Variants in MOCOS observed in about 807,000 individuals in gnomAD.
MOCOS encodes molybdenum cofactor sulfurase.
MOCOS carries 86 observed loss-of-function variants against 83.6 expected under a neutral mutation model. The ratio of observed to expected loss-of-function variants is 1.03; its 90% CI spans 0.86 to 1.23. The LOEUF (loss-of-function observed/expected upper bound fraction) is 1.23, where lower values mean the gene tolerates loss of function less well. Among genes scored for constraint, MOCOS ranks in the 50% most tolerant of loss-of-function variants. MOCOS has a pLI of 0.00. For missense variants in MOCOS, 1,120 were observed against 1,126.9 expected (o/e 0.99, Z 0.09); for synonymous variants, 445 against 434.7 (o/e 1.02, Z -0.29).
intron 1 of MOCOS, among the ~76,000 whole-genome samples, chr18:36,191,832 C>T (rs567466320): frequency 3.3e-5 from 5 of 152,352 alleles, no homozygotes; most frequent in South Asian, 4.1e-4. Flanking sequence ...CTGCCATTAT[C>T]ATGCTATCTT....
chr18:36,266,921 C>T, intron 14 of MOCOS, 68 bp downstream of exon 14: 1 of 1,277,980 alleles, frequency 7.8e-7, no homozygotes, highest in Non-Finnish European at 1.1e-6. Context: ...GAACTATGTT[C>T]ATAATAGCAC....
At position 36,203,176 on chromosome 18, in the gene MOCOS, A is replaced by G; in HGVS notation, c.1005A>G (p.Leu335=). 1 of 1,614,122 alleles carries G rather than the reference A, an allele frequency of 6.2e-7. No homozygotes were observed. The highest frequency in any genetic ancestry group is 8.5e-7 in the Non-Finnish European group (1 of 1,179,966). The change falls in exon 5 of 15, where the codon CTA becomes CTG. Residue 335 remains leucine, a synonymous_variant. Transcript: ENST00000261326. Reference sequence around the variant, plus strand: ...CGCTAAAACATGGATTTGACACCCTAGAGCGCCTCACAGGTCAGTGGACAT... The same window carrying G: ...CGCTAAAACATGGATTTGACACCCTGGAGCGCCTCACAGGTCAGTGGACAT... The part of the protein sequence containing the change: ...VIALKHGFDT[L]ERLTGGMENI...
chr18:36,224,900 T>C (rs572491811), intron 9 of MOCOS, among the ~76,000 whole-genome samples: 2 of 152,314 alleles, frequency 1.3e-5, no homozygotes, highest in South Asian at 4.1e-4. Context: ...GGCTTTTCTT[T>C]GTTGAGAGGT....
chr18:36,209,797 CAT>C (rs2091447638), intron 6 of MOCOS, among the ~76,000 whole-genome samples: 1 of 152,200 alleles, frequency 6.6e-6, no homozygotes, highest in Non-Finnish European at 1.5e-5. Flanking sequence ...CTGCTATAAA[CAT>C]GTGTGCGTGT....
chr18:36,267,289 GTGT>G (rs2091685162), intron 14 of MOCOS, among the ~76,000 whole-genome samples: 1 of 152,186 alleles, frequency 6.6e-6, no homozygotes, highest in South Asian at 2.1e-4. Flanking sequence ...AAACAACAAA[GTGT>G]TGTTATGAAT....
At chr18:36,233,313 G>T (rs920910429) in intron 9 of MOCOS, among the ~76,000 whole-genome samples, 3 of 152,086 alleles carry the variant, frequency 2.0e-5, no homozygotes, top group Non-Finnish European at 1.5e-5. Context: ...TAAAAATAAT[G>T]GTCTCCAACT....
chr18:36,193,574 T>G (rs12955767), intron 1 of MOCOS, among the ~76,000 whole-genome samples: 6,267 of 152,128 alleles, frequency 0.041, 199 homozygotes, highest in Non-Finnish European at 0.062. Flanking sequence ...TCATTCTGCA[T>G]TCAAAAATTA....
chr18:36,220,782 A>C (rs903025814), intron 9 of MOCOS, among the ~76,000 whole-genome samples: 5 of 151,148 alleles, frequency 3.3e-5, no homozygotes, highest in African/African-American at 1.2e-4. Context: ...GAAGCTGGGC[A>C]TGGTGGCACG....
chr18:36,187,594 C>T lies in MOCOS; in HGVS notation c.55C>T (p.Arg19Trp), dbSNP rs1375862482. Reference protein sequence around the residue: ...GRELWTFAGSRDPSAPRLAYG... With the variant: ...GRELWTFAGSWDPSAPRLAYG... ...GGAGCTGTGGACCTTCGCGGGTTCC[C>T]GGGACCCGAGCGCACCGCGGCTAGC... is the stretch of plus-strand genomic sequence containing the variant. The change falls in exon 1 of 15, where the codon CGG becomes TGG. Residue 19 changes from arginine to tryptophan, a missense_variant. By Grantham distance (101) the Arg-to-Trp change is moderately radical (BLOSUM62 -3). Coordinates refer to ENST00000261326, the MANE Select transcript of MOCOS (RefSeq NM_017947.4). 7 of 1,248,198 alleles carry T rather than the reference C, an allele frequency of 5.6e-6. No homozygotes were observed. The African/African-American group carries it at 7.7e-5, about 14-fold the overall frequency. The allele number at this position is 1,248,198 out of a possible 1,614,324, so 77.3% of individuals were successfully genotyped here.
chr18:36,220,130 T>C lies in MOCOS; in HGVS notation c.1873T>C (p.Cys625Arg). 6.2e-7 allele frequency: 1 copy of C among 1,614,122 alleles called. No individual in the cohort carries two copies. The highest frequency in any genetic ancestry group is 8.5e-7 in the Non-Finnish European group (1 of 1,180,024). The change falls in exon 9 of 15, where the codon TGC (cysteine) becomes CGC (arginine). Residue 625 changes from cysteine (C) to arginine (R), a missense_variant. Coordinates refer to ENST00000261326, the MANE Select transcript of MOCOS (RefSeq NM_017947.4). ...GATGGTTGTGAATCACAATGGTGTT[T>C]GCCTGAGTCAGAAGCAGGAACCCCG... ...SWMVVNHNGV[C>R]LSQKQEPRLC...
At position 36,266,746 on chromosome 18, in the gene MOCOS, C is replaced by T. The variant is rs1469078316; in HGVS notation, c.2410-3C>T. 1 of 1,613,768 alleles carries T rather than the reference C, an allele frequency of 6.2e-7. No homozygotes were observed. The highest frequency in any genetic ancestry group is 2.2e-5 in the East Asian group (1 of 44,868). ...ACGCTGTGTTTTCCTTCTCACCTGC[C>T]AGGTTTTGGGGCCTTGTCACAGATG... On this transcript the variant is annotated splice_polypyrimidine_tract_variant and splice_region_variant and intron_variant, in intron 13 of 14. Coordinates refer to ENST00000261326, the MANE Select transcript of MOCOS (RefSeq NM_017947.4).
intron 4 of MOCOS, among the ~76,000 whole-genome samples, chr18:36,202,253 A>C (rs1470181034): frequency 1.3e-5 from 2 of 152,108 alleles, no homozygotes; most frequent in African/African-American, 4.8e-5. Flanking sequence ...AGAAACAAAA[A>C]ACTTTTATTT....
intron 11 of MOCOS, among the ~76,000 whole-genome samples, chr18:36,252,514 C>T (rs1274294329): frequency 1.3e-5 from 2 of 152,074 alleles, no homozygotes; most frequent in Admixed American, 6.6e-5. Flanking sequence ...GTTGAGATCA[C>T]ACCACTGTAG....
chr18:36,209,805 C>T (rs896555308), intron 6 of MOCOS, among the ~76,000 whole-genome samples: 28 of 151,922 alleles, frequency 1.8e-4, no homozygotes, highest in East Asian at 7.7e-4. Context: ...AACATGTGTG[C>T]GTGTGTCTTT....
At chr18:36,265,806 A>G (rs541712126) in intron 13 of MOCOS, among the ~76,000 whole-genome samples, 5 of 152,242 alleles carry the variant, frequency 3.3e-5, no homozygotes, top group African/African-American at 4.8e-5. Flanking sequence ...CCTACTTATT[A>G]CAGTTACAAA....
chr18:36,232,855 T>C (rs959052650), intron 9 of MOCOS, among the ~76,000 whole-genome samples: 3 of 147,832 alleles, frequency 2.0e-5, no homozygotes, highest in African/African-American at 7.5e-5. Context: ...AATATTCCAT[T>C]ACACACACAC....
intron 9 of MOCOS, among the ~76,000 whole-genome samples, chr18:36,240,684 C>CT (rs1464337007): frequency 3.0e-4 from 45 of 152,320 alleles, no homozygotes; most frequent in African/African-American, 1.0e-3. Context: ...TTCCCAGCTG[C>CT]TTTGTTTACC....
rs189691594 is a variant in MOCOS, at chr18:36,218,762, C to A, written c.1798-1293C>A. 8.2e-3 allele frequency among the ~76,000 whole-genome samples: 1,246 copies of A among 151,988 alleles called. 15 individuals are homozygous for A. The highest frequency in any genetic ancestry group is 0.029 in the African/African-American group (1,185 of 41,462). ...CTTGAACTCCTTGCCTCAAGTGATC[C>A]CCCTGCCTCAACCTCCCAAAGTGCT... On this transcript the variant is annotated intron_variant, in intron 8 of 14. Transcript: ENST00000261326.
chr18:36,231,588 ATGAT>A (rs2091537906), intron 9 of MOCOS, among the ~76,000 whole-genome samples: 1 of 152,172 alleles, frequency 6.6e-6, no homozygotes, highest in Non-Finnish European at 1.5e-5. Context: ...AGCAATAACG[ATGAT>A]TGATGCAGGA....
Sources: allele counts gnomAD v4.1 joint callset (sites outside exome capture counted in the v4.1 genomes callset), GRCh38; gene constraint gnomAD v4.1.1; transcripts MANE v1.5; gene names NCBI Gene and HGNC (gene_info 2026-07-23, HGNC 2026-07-21).